The following TMEM87B variants were observed in gnomAD, a reference collection of about 807,000 sequenced individuals.
TMEM87B encodes the protein transmembrane protein 87B.
In TMEM87B, 83 loss-of-function variants were observed where a neutral mutation model predicts 80.3. That is an observed-to-expected ratio of 1.03 (90% CI 0.87 to 1.24). The LOEUF (loss-of-function observed/expected upper bound fraction) is 1.24. Ranked by LOEUF, TMEM87B falls within the 50% of genes most tolerant of loss-of-function variation. The probability of loss-of-function intolerance (pLI) is 0.00; values close to 1 mark genes in which losing one functional copy is unlikely to be tolerated. For missense variants in TMEM87B, 625 were observed against 674.4 expected, an observed-to-expected ratio of 0.93 and a Z score of 0.81; for synonymous variants, 219 against 230.5, an observed-to-expected ratio of 0.95 and a Z score of 0.45.
At chr2:112,088,246 A>G (rs1282989871) in intron 9 of TMEM87B, among the ~76,000 whole-genome samples, 1 of 152,254 alleles carries the variant, frequency 6.6e-6, no homozygotes, top group African/African-American at 2.4e-5. Flanking sequence ...GGAATCTTGC[A>G]GTACCTTTCA....
chr2:112,081,238 T>C (rs1678987802), intron 7 of TMEM87B, 97 bp from the exon 8 acceptor site: 1 of 1,426,008 alleles, frequency 7.0e-7, no homozygotes, highest in Non-Finnish European at 9.7e-7. Context: ...GGTTCCAGAG[T>C]GACTGGAAAA....
Position 112,081,479 on chromosome 2 carries a change from T to TA in TMEM87B, c.800dup (p.Tyr267Ter), listed in dbSNP as rs1678997405. Residue 267 changes from tyrosine to a stop codon, truncating the protein, a stop_gained and frameshift_variant, in exon 8 of 19, where the codon TAT (tyrosine) becomes TAAT (stop). Transcript: ENST00000283206. LOFTEE classifies it high-confidence loss of function. ...GGGAATGCTTGAAAAAGCAGTTTTT[T>TA]ATAGTGAATACCAAAACATCAGCAA... ...FLGMLEKAVF[Y>*]SEYQNISNTG... 2 of 1,612,862 alleles carry TA rather than the reference T, an allele frequency of 1.2e-6. No homozygotes were observed. The highest frequency in any genetic ancestry group is 1.7e-6 in the Non-Finnish European group (2 of 1,179,818).
intron 5 of TMEM87B, among the ~76,000 whole-genome samples, chr2:112,076,559 C>G (rs944350315): frequency 6.6e-5 from 10 of 151,990 alleles, no homozygotes; most frequent in Non-Finnish European, 1.5e-4. Context: ...AGGCTGGTTT[C>G]AAACTCCTGA....
At chr2:112,104,172 T>TG (rs34064057) in intron 15 of TMEM87B, among the ~76,000 whole-genome samples, 1 of 152,192 alleles carries the variant, frequency 6.6e-6, no homozygotes, top group South Asian at 2.1e-4. Flanking sequence ...TGACGTTGGA[T>TG]GGGGTAATTT....
chr2:112,076,890 CTG>C (rs1341715982), intron 5 of TMEM87B, among the ~76,000 whole-genome samples: 18 of 66,302 alleles, frequency 2.7e-4, no homozygotes, highest in Admixed American at 4.8e-4. Flanking sequence ...GTGTGTGTGT[CTG>C]TGTGTGTGTT....
chr2:112,096,258 G>A (rs1573717565), intron 11 of TMEM87B, among the ~76,000 whole-genome samples: 1 of 151,928 alleles, frequency 6.6e-6, no homozygotes, highest in African/African-American at 2.4e-5. Flanking sequence ...GGCCATAAAC[G>A]TTGACTCACC....
At chr2:112,066,035 CAA>C (rs1678424996) in intron 3 of TMEM87B, among the ~76,000 whole-genome samples, 1 of 152,126 alleles carries the variant, frequency 6.6e-6, no homozygotes, top group Non-Finnish European at 1.5e-5. Flanking sequence ...TTTTCCATTC[CAA>C]AGTTACTACT....
In TMEM87B at chr2:112,071,328, T is replaced by G. The variant is rs564178626; in HGVS notation, c.451-3584T>G. Among the ~76,000 whole-genome samples the G allele has an allele frequency of 5.3e-3, 146 of 27,610 alleles. No individual in the cohort carries two copies. The Middle Eastern group carries it at 0.089, about 17-fold the overall frequency. The allele number at this position is 27,610 out of a possible 152,430, so 18.1% of individuals were successfully genotyped here. On this transcript the variant is annotated intron_variant, in intron 4 of 18. Coordinates refer to ENST00000283206, the MANE Select transcript of TMEM87B (RefSeq NM_032824.3). ...CCCGCCCCCCCGCCGCCGCCACCACTGCCCACTCTGTCATCCAGGCTGGAG... is the reference window on the plus strand; with the variant it reads ...CCCGCCCCCCCGCCGCCGCCACCACGGCCCACTCTGTCATCCAGGCTGGAG...
chr2:112,073,786 G>A (rs1678729801), intron 4 of TMEM87B, among the ~76,000 whole-genome samples: 1 of 152,156 alleles, frequency 6.6e-6, no homozygotes, highest in Non-Finnish European at 1.5e-5. Flanking sequence ...CCTGTGTTGG[G>A]TGCATATATA....
intron 11 of TMEM87B, among the ~76,000 whole-genome samples, chr2:112,095,856 G>A (rs1679453151): frequency 6.6e-6 from 1 of 152,202 alleles, no homozygotes; most frequent in African/African-American, 2.4e-5. Flanking sequence ...TCCAGAGGAA[G>A]GAATTCTCAT....
At chr2:112,068,326 T>G (rs1678500713) in intron 4 of TMEM87B, among the ~76,000 whole-genome samples, 1 of 152,194 alleles carries the variant, frequency 6.6e-6, no homozygotes, top group Non-Finnish European at 1.5e-5. Context: ...GTGAAAGTCT[T>G]TAGTAAAAGT....
chr2:112,100,794 C>T, intron 15 of TMEM87B, 99 bp downstream of exon 15: 1 of 656,590 alleles, frequency 1.5e-6, no homozygotes, highest in South Asian at 3.4e-5. Flanking sequence ...TTGTTTTTTT[C>T]TATAAAATAT....
chr2:112,108,334 A>T (rs1679826220), intron 17 of TMEM87B, among the ~76,000 whole-genome samples: 1 of 152,056 alleles, frequency 6.6e-6, no homozygotes, highest in Admixed American at 6.5e-5. Flanking sequence ...GTATGATAAA[A>T]TTTTTTTACA....
chr2:112,074,480 T>G (rs1678750179), intron 4 of TMEM87B, among the ~76,000 whole-genome samples: 1 of 152,192 alleles, frequency 6.6e-6, no homozygotes, highest in Admixed American at 6.5e-5. Flanking sequence ...CCTTTCTTTC[T>G]AGGTGCCTTT....
intron 8 of TMEM87B, among the ~76,000 whole-genome samples, chr2:112,083,629 G>A (rs1447362516): frequency 4.6e-5 from 7 of 152,188 alleles, no homozygotes; most frequent in Admixed American, 4.6e-4. Context: ...AGTCTGATTA[G>A]GGCAGACCTA....
At chr2:112,062,337 T>C (rs763965079) in intron 2 of TMEM87B, among the ~76,000 whole-genome samples, 2 of 152,202 alleles carry the variant, frequency 1.3e-5, no homozygotes, top group Non-Finnish European at 2.9e-5. Context: ...AAAAAATATC[T>C]CAATGTAATT....
At chr2:112,067,641 G>T (rs902334978) in intron 4 of TMEM87B, among the ~76,000 whole-genome samples, 2 of 152,062 alleles carry the variant, frequency 1.3e-5, no homozygotes, top group Non-Finnish European at 2.9e-5. Flanking sequence ...CCATTTCCTT[G>T]CAACTTATTT....
chr2:112,088,503 G>A (rs1679210561), intron 9 of TMEM87B, among the ~76,000 whole-genome samples: 1 of 152,080 alleles, frequency 6.6e-6, no homozygotes, highest in South Asian at 2.1e-4. Context: ...AATTAAATAT[G>A]AGCTATGACC....
intron 6 of TMEM87B, 138 bp from the exon 7 acceptor site, chr2:112,080,919 C>T (rs952080620): frequency 1.0e-5 from 7 of 689,874 alleles, no homozygotes; most frequent in Middle Eastern, 2.5e-4. Context: ...TACTAATTGT[C>T]CAATACCATG....
Sources: allele counts gnomAD v4.1 joint callset (sites outside exome capture counted in the v4.1 genomes callset), GRCh38; gene constraint gnomAD v4.1.1; transcripts MANE v1.5; gene names NCBI Gene and HGNC (gene_info 2026-07-23, HGNC 2026-07-21).